DNM3: variants seen among roughly 807,000 people sequenced by gnomAD.
DNM3 encodes the protein dynamin-3.
Under a neutral mutation model 101.6 loss-of-function variants are expected in DNM3, and 47 were observed. The ratio of observed to expected loss-of-function variants is 0.46; its 90% CI spans 0.37 to 0.59. The LOEUF (loss-of-function observed/expected upper bound fraction) is 0.59. Ranked by LOEUF, DNM3 falls within the 20% of genes least tolerant of loss-of-function variation. The probability of loss-of-function intolerance (pLI) is 0.00; values close to 1 mark genes in which losing one functional copy is unlikely to be tolerated. For missense variants in DNM3, 849 were observed against 1,085.7 expected (o/e 0.78, Z 3.06); for synonymous variants, 385 against 387.9 (o/e 0.99, Z 0.09).
intron 14 of DNM3, among the ~76,000 whole-genome samples, chr1:172,169,836 G>A (rs976259813): frequency 6.6e-6 from 1 of 151,802 alleles, no homozygotes; most frequent in South Asian, 2.1e-4. Flanking sequence ...ATGGTTTGTT[G>A]TGATATTTAA....
chr1:171,990,746 T>A (rs1370195126), intron 4 of DNM3, among the ~76,000 whole-genome samples: 1 of 152,146 alleles, frequency 6.6e-6, no homozygotes, highest in African/African-American at 2.4e-5. Flanking sequence ...TCTCCAATTC[T>A]TAGGCCTTTC....
intron 1 of DNM3, among the ~76,000 whole-genome samples, chr1:171,860,169 G>A (rs2034021050): frequency 6.6e-6 from 1 of 152,118 alleles, no homozygotes; most frequent in African/African-American, 2.4e-5. Context: ...ACCCCATGTA[G>A]CTATTATAAC....
chr1:172,103,195 C>G (rs1319786387), intron 13 of DNM3, among the ~76,000 whole-genome samples: 1 of 152,044 alleles, frequency 6.6e-6, no homozygotes. Context: ...CACACAAGCA[C>G]ATGGGTACAC....
chr1:171,911,413 T>C (rs2039292890), intron 1 of DNM3, among the ~76,000 whole-genome samples: 1 of 151,844 alleles, frequency 6.6e-6, no homozygotes, highest in African/African-American at 2.4e-5. Flanking sequence ...CCTGAATAGC[T>C]GGGATATTAC....
chr1:172,382,751 T>C (rs1025180390), intron 18 of DNM3, among the ~76,000 whole-genome samples: 12 of 152,180 alleles, frequency 7.9e-5, no homozygotes, highest in African/African-American at 2.9e-4. Flanking sequence ...TGAGAAGCAA[T>C]GTTTGAAATC....
chr1:171,896,177 A>T lies in DNM3; in HGVS notation c.162-25571A>T, dbSNP rs60686325. ...GTAGTTTTTTCCAATTCTGTGAAGGAAGTCATTGGTAGCTTGATGGGGATG... is the reference window on the plus strand; with the variant it reads ...GTAGTTTTTTCCAATTCTGTGAAGGTAGTCATTGGTAGCTTGATGGGGATG... On this transcript the variant is annotated intron_variant, in intron 1 of 20. Coordinates refer to ENST00000627582, the MANE Select transcript of DNM3 (RefSeq NM_015569.5). Among the ~76,000 whole-genome samples, 169 of 152,290 alleles carry T rather than the reference A, an allele frequency of 1.1e-3. 1 individual carries two copies. The East Asian group carries it at 0.029, about 26-fold the overall frequency.
At chr1:172,104,875 C>T (rs895585474) in intron 13 of DNM3, among the ~76,000 whole-genome samples, 2 of 152,170 alleles carry the variant, frequency 1.3e-5, no homozygotes, top group African/African-American at 4.8e-5. Context: ...AGTATAGAGG[C>T]TAAGAGCATA....
intron 14 of DNM3, among the ~76,000 whole-genome samples, chr1:172,212,294 A>G (rs867880895): frequency 3.8e-4 from 58 of 152,156 alleles, no homozygotes; most frequent in African/African-American, 1.3e-3. Context: ...CCTGGTATCA[A>G]TCACACCTCA....
At chr1:171,858,707 T>C (rs1459864162) in intron 1 of DNM3, among the ~76,000 whole-genome samples, 1 of 152,158 alleles carries the variant, frequency 6.6e-6, no homozygotes, top group African/African-American at 2.4e-5. Flanking sequence ...ATATGGGAGC[T>C]ATTAATCACC....
chr1:172,164,375 T>A (rs923040169), intron 14 of DNM3, among the ~76,000 whole-genome samples: 6 of 151,874 alleles, frequency 4.0e-5, no homozygotes, highest in African/African-American at 1.5e-4. Context: ...CCAAGTCCTC[T>A]GAGACTACAG....
At chr1:171,937,832 A>C (rs552725155) in intron 2 of DNM3, among the ~76,000 whole-genome samples, 2 of 152,254 alleles carry the variant, frequency 1.3e-5, no homozygotes, top group African/African-American at 4.8e-5. Context: ...CAATCCCAGC[A>C]AGCCTCCTAA....
chr1:172,135,572 C>A lies in DNM3; in HGVS notation c.1659+4284C>A, dbSNP rs1369107006. 2.0e-5 allele frequency among the ~76,000 whole-genome samples: 3 copies of A among 151,906 alleles called. No homozygotes were observed. The East Asian group carries it at 5.8e-4, about 29-fold the overall frequency. ...ATATGTGACTTCCTGGATTGAAAAT[C>A]ATTTAAACAGAAAATTAATTTCCCA... On this transcript the variant is annotated intron_variant, in intron 14 of 20. Transcript: ENST00000627582.
At chr1:172,042,883 G>T (rs1274791263) in intron 8 of DNM3, among the ~76,000 whole-genome samples, 4 of 152,156 alleles carry the variant, frequency 2.6e-5, no homozygotes, top group African/African-American at 9.7e-5. Context: ...GACTTGATTT[G>T]TTGATGATTT....
intron 7 of DNM3, among the ~76,000 whole-genome samples, chr1:172,041,418 T>C (rs12071642): frequency 0.012 from 1,792 of 152,204 alleles, 47 homozygotes; most frequent in African/African-American, 0.041. Context: ...GAGGTTGTTT[T>C]AAGTGTGTTG....
chr1:172,303,637 G>A (rs545042524), intron 15 of DNM3, among the ~76,000 whole-genome samples: 27 of 152,212 alleles, frequency 1.8e-4, no homozygotes, highest in African/African-American at 6.0e-4. Flanking sequence ...GAGAAAGGTC[G>A]GGTTACCCAC....
intron 1 of DNM3, among the ~76,000 whole-genome samples, chr1:171,853,159 C>A (rs2033173016): frequency 6.6e-6 from 1 of 151,762 alleles, no homozygotes; most frequent in Non-Finnish European, 1.5e-5. Context: ...TAGAGGTAAA[C>A]TGTATTTATT....
Position 172,412,155 on chromosome 1 carries a change from T to G in DNM3, c.*4314T>G. The G allele has an allele frequency of 1.0e-6, 1 of 985,830 alleles. No homozygotes were observed. Among genetic ancestry groups the G allele is most frequent in the Non-Finnish European group, 1.2e-6 (1 of 829,890 alleles). The allele number at this position is 985,830 out of a possible 1,614,324, so 61.1% of individuals were successfully genotyped here. A position where few individuals can be genotyped will look rare whatever the true frequency, so the allele number is the denominator to read the frequency against. On this transcript the variant is annotated 3_prime_UTR_variant, in exon 21 of 21. Coordinates refer to ENST00000627582, the MANE Select transcript of DNM3 (RefSeq NM_015569.5). ...TTAAGACCTGTTCATACTGGTATAT[T>G]GGTGAGACTTCTCACTTCTGGTTGG...
intron 10 of DNM3, among the ~76,000 whole-genome samples, chr1:172,064,923 A>C (rs1385662795): frequency 1.3e-5 from 2 of 152,084 alleles, no homozygotes; most frequent in Admixed American, 6.6e-5. Flanking sequence ...AGGCTTATTG[A>C]CTTCCAGTTG....
At chr1:171,871,397 G>A (rs2035271502) in intron 1 of DNM3, among the ~76,000 whole-genome samples, 1 of 152,128 alleles carries the variant, frequency 6.6e-6, no homozygotes, top group African/African-American at 2.4e-5. Flanking sequence ...TCAATGCATT[G>A]CCTAAATCTT....
Sources: gnomAD v4.1 joint callset for allele counts (sites outside exome capture counted in the v4.1 genomes callset) on GRCh38, gnomAD v4.1.1 for gene constraint, MANE v1.5 for transcripts, NCBI Gene and HGNC (gene_info 2026-07-23, HGNC 2026-07-21) for gene names.